The following AMPD3 variants were observed in gnomAD, a reference collection of about 807,000 sequenced individuals.
AMPD3 encodes adenosine monophosphate deaminase 3, also known as AMP deaminase 3.
Under a neutral mutation model 82.3 loss-of-function variants are expected in AMPD3, and 57 were observed. The ratio of observed to expected loss-of-function variants is 0.69; its 90% CI spans 0.56 to 0.86. The LOEUF is 0.86. Ranked by LOEUF, AMPD3 falls within the 40% of genes least tolerant of loss-of-function variation. AMPD3 has a pLI of 0.00. For missense variants in AMPD3, 870 were observed against 1,003.8 expected (o/e 0.87, Z 1.80); for synonymous variants, 381 against 394.7 (o/e 0.97, Z 0.41).
rs376445643 is a variant in AMPD3 at position 10,487,355 on chromosome 11, C to T, written c.930C>T (p.Asn310=). The T allele has an allele frequency of 5.0e-5, 81 of 1,613,956 alleles. No individual in the cohort carries two copies. The Middle Eastern group carries it at 6.6e-4, about 13-fold the overall frequency. The change falls in exon 6 of 15, where the codon AAC becomes AAT. Residue 310 remains asparagine (N), a synonymous_variant. Transcript: ENST00000396553. The part of the protein sequence containing the change: ...LKSNPHRDFY[N]VRKVDTHIHA... ...GTAACCCCCACCGGGACTTCTATAA[C>T]GTGAGAAAGGTGCGTTAGGGGCGAG... is the stretch of plus-strand genomic sequence containing the variant.
At position 10,478,736 on chromosome 11, in the gene AMPD3, G is replaced by T; in HGVS notation, c.426+6G>T. The T allele has an allele frequency of 1.2e-6, 2 of 1,610,084 alleles. No homozygotes were observed. Among genetic ancestry groups the T allele is most frequent in the Non-Finnish European group, 1.7e-6 (2 of 1,179,996 alleles). On this transcript the variant is annotated splice_donor_region_variant and intron_variant, in intron 3 of 14. Coordinates refer to ENST00000396553, the MANE Select transcript of AMPD3 (RefSeq NM_001025389.2). ...GCGGAGATTACTGTGCCGGGGTAAGGCGTCTGTGAGAGTGTTGAATGTGCC... is the reference window on the plus strand; with the variant it reads ...GCGGAGATTACTGTGCCGGGGTAAGTCGTCTGTGAGAGTGTTGAATGTGCC...
rs1848087124 is a variant in AMPD3 at position 10,456,165 on chromosome 11, A to T, written c.-6+717A>T. 1 of 1,399,166 alleles carries T rather than the reference A, an allele frequency of 7.1e-7. No homozygotes were observed. Among genetic ancestry groups the T allele is most frequent in the Non-Finnish European group, 9.3e-7 (1 of 1,079,114 alleles). 86.7% of individuals were successfully genotyped at this position (1,399,166 alleles called of 1,614,324 possible). A position where few individuals can be genotyped will look rare whatever the true frequency, so the allele number is the denominator to read the frequency against. ...ACCTGGGGACTTCAGGGCTCTTGGA[A>T]ATTTTCCACTCATATTTCATATTCA... On this transcript the variant is annotated intron_variant, in intron 1 of 14. Coordinates refer to ENST00000396553, the MANE Select transcript of AMPD3 (RefSeq NM_001025389.2). The surrounding 1 kb of genome is among the most constrained non-coding windows in gnomAD (Gnocchi z 4.3).
At chr11:10,495,408 C>T in intron 8 of AMPD3, 162 bp from the exon 9 acceptor site, 1 of 983,728 alleles carries the variant, frequency 1.0e-6, no homozygotes, top group Non-Finnish European at 1.2e-6. Flanking sequence ...TAAAGTGGAA[C>T]AAGAGCTTAC....
intron 14 of AMPD3, chr11:10,505,171 G>A: frequency 1.0e-6 from 1 of 985,416 alleles, no homozygotes; most frequent in Non-Finnish European, 1.2e-6. Flanking sequence ...AGCCTGATGA[G>A]GAGCTGGCAC....
At chr11:10,477,149 T>C (rs1848764445) in intron 2 of AMPD3, 2 of 980,036 alleles carry the variant, frequency 2.0e-6, no homozygotes, top group African/African-American at 3.5e-5. Flanking sequence ...GAGCTGCTTC[T>C]GGGTAAGCCC....
Position 10,487,244 on chromosome 11 carries a change from T to C in AMPD3, c.819T>C (p.Tyr273=), listed in dbSNP as rs1265919572. 2 of 1,613,958 alleles carry C rather than the reference T, an allele frequency of 1.2e-6. No individual in the cohort carries two copies. Among genetic ancestry groups the C allele is most frequent in the African/African-American group, 1.3e-5 (1 of 74,916 alleles). ...CATCTCCAACTTGCAGGAAAACCTA[T>C]TGTCACCGGCGACTGAACTTTCTGG... The part of the protein sequence containing the change: ...ALITDGPTKT[Y]CHRRLNFLES... Residue 273 remains tyrosine (Y), a synonymous_variant, in exon 6 of 15, where the codon TAT becomes TAC. Transcript: ENST00000396553.
intron 2 of AMPD3, among the ~76,000 whole-genome samples, chr11:10,464,268 G>A (rs1287699563): frequency 1.3e-5 from 2 of 152,146 alleles, no homozygotes; most frequent in South Asian, 2.1e-4. Context: ...GCCTGTGTAG[G>A]TTGGATTCAT....
chr11:10,477,960 C>G (rs1848789053), intron 2 of AMPD3: 1 of 985,460 alleles, frequency 1.0e-6, no homozygotes, highest in African/African-American at 1.7e-5. Context: ...ACTGTCTCGA[C>G]TCCTTTGTAA....
At chr11:10,478,275 C>T (rs1848798580) in intron 2 of AMPD3, 2 of 985,440 alleles carry the variant, frequency 2.0e-6, no homozygotes, top group Non-Finnish European at 1.2e-6. Context: ...CTTTAATCTT[C>T]TGTGGGCTGT....
At chr11:10,462,685 T>A (rs1848305331) in intron 2 of AMPD3, among the ~76,000 whole-genome samples, 1 of 151,708 alleles carries the variant, frequency 6.6e-6, no homozygotes, top group Non-Finnish European at 1.5e-5. Context: ...GCAGCGCAAG[T>A]GCTATGAAAG....
At chr11:10,453,173 ACTC>A (rs1276475612), upstream of AMPD3, among the ~76,000 whole-genome samples, 1 of 151,388 alleles carries the variant, frequency 6.6e-6, no homozygotes, top group Non-Finnish European at 1.5e-5. Context: ...TGGTCTCAAA[ACTC>A]CTGACCTCAA....
In AMPD3 at chr11:10,493,425, C is replaced by G. The variant is rs201115705; in HGVS notation, c.1016C>G (p.Thr339Arg). ...CGCTTCATCAAGCACACATACCAGACGGAGCCTGACAGGACTGTGGCAGAG... is the reference window on the plus strand; with the variant it reads ...CGCTTCATCAAGCACACATACCAGAGGGAGCCTGACAGGACTGTGGCAGAG... ...LLRFIKHTYQ[T>R]EPDRTVAEKR... The change falls in exon 7 of 15, where the codon ACG becomes AGG. Residue 339 changes from threonine (T) to arginine (R), a missense_variant. Physicochemically the swap from Thr to Arg is moderately conservative, Grantham distance 71. Coordinates refer to ENST00000396553, the MANE Select transcript of AMPD3 (RefSeq NM_001025389.2). The G allele has an allele frequency of 4.3e-6, 7 of 1,614,080 alleles. No homozygotes were observed. Among genetic ancestry groups the G allele is most frequent in the Non-Finnish European group, 5.9e-6 (7 of 1,180,050 alleles).
intron 11 of AMPD3, chr11:10,500,663 C>A (rs139381187): frequency 1.0e-6 from 1 of 985,358 alleles, no homozygotes; most frequent in South Asian, 4.7e-5. Context: ...AATGTCCACA[C>A]GTGCATATTT....
At chr11:10,459,606 A>G (rs892452225) in intron 1 of AMPD3, among the ~76,000 whole-genome samples, 10 of 152,086 alleles carry the variant, frequency 6.6e-5, no homozygotes, top group Non-Finnish European at 1.5e-5. Context: ...CTCTCTTTAA[A>G]CCAACTTTAA....
rs999721645 is a variant in AMPD3, at chr11:10,506,178, T to C, written c.*294T>C. ...CTTGAAACTGCCAGTGCCTGAACTG[T>C]TGGGGCCAGGATTTTCCCTGGTCAG... On this transcript the variant is annotated 3_prime_UTR_variant, in exon 15 of 15. Coordinates refer to ENST00000396553, the MANE Select transcript of AMPD3 (RefSeq NM_001025389.2). The surrounding 1 kb of genome is among the most constrained non-coding windows in gnomAD (Gnocchi z 4.1). 1 of 422,726 alleles carries C rather than the reference T, an allele frequency of 2.4e-6. No homozygotes were observed. The highest frequency in any genetic ancestry group is 3.7e-5 in the Admixed American group (1 of 27,370). 26.2% of individuals were successfully genotyped at this position (422,726 alleles called of 1,614,324 possible). A position where few individuals can be genotyped will look rare whatever the true frequency, so the allele number is the denominator to read the frequency against.
chr11:10,482,770 C>T (rs541524076), intron 4 of AMPD3, among the ~76,000 whole-genome samples: 9 of 152,316 alleles, frequency 5.9e-5, no homozygotes, highest in Non-Finnish European at 1.2e-4. Flanking sequence ...AAGTGATCCT[C>T]CTGCCTTGGC....
chr11:10,501,744 A>G, intron 12 of AMPD3, 154 bp downstream of exon 12: 4 of 985,164 alleles, frequency 4.1e-6, no homozygotes, highest in Non-Finnish European at 4.8e-6. Context: ...AAGTAATATA[A>G]TCAAACTCAT....
chr11:10,479,936 T>C (rs1164375914), intron 3 of AMPD3: 3 of 985,354 alleles, frequency 3.0e-6, no homozygotes, highest in African/African-American at 1.7e-5. Context: ...ATCAGCATCC[T>C]GACCATGAGT....
In AMPD3 at chr11:10,481,876, C is replaced by T. The variant is rs183107518; in HGVS notation, c.427-187C>T. On this transcript the variant is annotated intron_variant, in intron 3 of 14. Coordinates refer to ENST00000396553, the MANE Select transcript of AMPD3 (RefSeq NM_001025389.2). The stretch of plus-strand genomic sequence containing the variant: ...AAGGAAAGCAGGTGTCCAACATAAA[C>T]CATATTGTTTGTACAAGTAGTTTAG... The T allele has an allele frequency of 1.1e-4, 75 of 708,380 alleles. No homozygotes were observed. The Admixed American group carries it at 1.2e-3, about 12-fold the overall frequency. The allele number at this position is 708,380 out of a possible 1,614,324, so 43.9% of individuals were successfully genotyped here. A position where few individuals can be genotyped will look rare whatever the true frequency, so the allele number is the denominator to read the frequency against.
Sources: allele counts gnomAD v4.1 joint callset (sites outside exome capture counted in the v4.1 genomes callset), GRCh38; gene constraint gnomAD v4.1.1; non-coding constraint Gnocchi (gnomAD v3.1); transcripts MANE v1.5; gene names NCBI Gene and HGNC (gene_info 2026-07-23, HGNC 2026-07-21).